Variants in EML5 observed in about 807,000 individuals in gnomAD.
EML5 encodes echinoderm microtubule-associated protein-like 5.
In EML5, 120 loss-of-function variants were observed where a neutral mutation model predicts 250.0. The observed-to-expected ratio is 0.48, with a 90% CI of 0.41 to 0.56. The LOEUF (loss-of-function observed/expected upper bound fraction) is 0.56. EML5 is among the 20% of genes least tolerant of loss of function. The pLI, the probability that EML5 is intolerant of heterozygous loss-of-function variation, is 0.00. For missense variants in EML5, 2,006 were observed against 2,437.6 expected (o/e 0.82, Z 3.73); for synonymous variants, 771 against 806.5 (o/e 0.96, Z 0.75).
At position 88,657,516 on chromosome 14, in the gene EML5, A is replaced by G. The variant is rs2091915692; in HGVS notation, c.3878-14T>C. 1 of 1,583,206 alleles carries G rather than the reference A, an allele frequency of 6.3e-7. No homozygotes were observed. The highest frequency in any genetic ancestry group is 1.7e-4 in the Middle Eastern group (1 of 5,940). On this transcript the variant is annotated splice_polypyrimidine_tract_variant and intron_variant, in intron 26 of 43. Coordinates refer to ENST00000554922, the MANE Select transcript of EML5 (RefSeq NM_183387.3). Reference sequence around the variant, plus strand: ...CACTGTCATAGCCTACAATAAAAATATACGAGTAATTCTTTAAGCAATAAC... The same window carrying G: ...CACTGTCATAGCCTACAATAAAAATGTACGAGTAATTCTTTAAGCAATAAC...
At chr14:88,707,673 T>A (rs1161747583) in intron 10 of EML5, among the ~76,000 whole-genome samples, 1 of 152,206 alleles carries the variant, frequency 6.6e-6, no homozygotes, top group Non-Finnish European at 1.5e-5. Flanking sequence ...ATGCATGAGA[T>A]AGAATCAAAA....
intron 1 of EML5, among the ~76,000 whole-genome samples, chr14:88,759,567 C>T (rs1271467876): frequency 6.6e-6 from 1 of 151,070 alleles, no homozygotes; most frequent in Non-Finnish European, 1.5e-5. Context: ...GCCCGTAGTC[C>T]CAGTTATTCA....
intron 1 of EML5, among the ~76,000 whole-genome samples, chr14:88,783,254 T>C (rs1047535402): frequency 6.6e-6 from 1 of 152,234 alleles, no homozygotes; most frequent in Non-Finnish European, 1.5e-5. Flanking sequence ...CCTACACAGC[T>C]TCACTAGGGC....
chr14:88,659,765 G>C (rs867861416), intron 25 of EML5, among the ~76,000 whole-genome samples: 26 of 152,284 alleles, frequency 1.7e-4, no homozygotes, highest in Non-Finnish European at 2.8e-4. Flanking sequence ...TCTAAAACAG[G>C]AATCAGTGGA....
At chr14:88,728,714 G>A (rs1436877368) in intron 7 of EML5, among the ~76,000 whole-genome samples, 1 of 152,066 alleles carries the variant, frequency 6.6e-6, no homozygotes, top group East Asian at 1.9e-4. Context: ...GTTCAAACCT[G>A]TGTTGTTCAA....
At chr14:88,659,338 G>A (rs976116869) in intron 25 of EML5, among the ~76,000 whole-genome samples, 1 of 151,886 alleles carries the variant, frequency 6.6e-6, no homozygotes, top group African/African-American at 2.4e-5. Context: ...AGCCTCCCAA[G>A]TAGCTGGGAA....
intron 14 of EML5, among the ~76,000 whole-genome samples, chr14:88,701,554 G>C (rs370446193): frequency 6.6e-6 from 1 of 152,082 alleles, no homozygotes; most frequent in East Asian, 1.9e-4. Context: ...AGGAGAGAAA[G>C]AGCAAGTAAG....
chr14:88,706,346 A>T lies in EML5; in HGVS notation c.1738T>A (p.Ser580Thr), dbSNP rs1245657271. 6.2e-7 allele frequency: 1 copy of T among 1,610,260 alleles called. No homozygotes were observed. The highest frequency in any genetic ancestry group is 8.5e-7 in the Non-Finnish European group (1 of 1,178,330). Reference protein sequence around the residue: ...RWSHDYQWVISIGGADHSVFQ... With the variant: ...RWSHDYQWVITIGGADHSVFQ... ...ACAGAGTGATCTGCTCCACCAATAG[A>T]AATAACCCACTGATAATCATGTGAC... Residue 580 changes from serine to threonine, a missense_variant, in exon 11 of 44, where the codon TCT (serine) becomes ACT (threonine). By Grantham distance (58) the Ser-to-Thr change is moderately conservative. Around this residue, in one of 7 missense-constraint regions of EML5, gnomAD observed 1,375 missense variants for 1,590.3 expected, o/e 0.86. Coordinates refer to ENST00000554922, the MANE Select transcript of EML5 (RefSeq NM_183387.3).
intron 19 of EML5, among the ~76,000 whole-genome samples, chr14:88,685,875 TC>T: frequency 6.6e-6 from 1 of 152,346 alleles, no homozygotes; most frequent in Middle Eastern, 3.4e-3. Context: ...TTTTTATTTT[TC>T]TCTAGCATAT....
Position 88,644,514 on chromosome 14 carries a change from G to A in EML5, c.4029-3C>T, listed in dbSNP as rs1193699780. 3 of 1,613,558 alleles carry A rather than the reference G, an allele frequency of 1.9e-6. No homozygotes were observed. Among genetic ancestry groups the A allele is most frequent in the Non-Finnish European group, 2.5e-6 (3 of 1,179,676 alleles). ...GTGGGGCCCTGCTCACTGGAGGCCT[G>A]CAACAGAGAAGTGGGGAGGAGGAAA... is the stretch of plus-strand genomic sequence containing the variant. On this transcript the variant is annotated splice_region_variant and splice_polypyrimidine_tract_variant and intron_variant, in intron 29 of 43. Transcript: ENST00000554922.
intron 21 of EML5, 84 bp downstream of exon 21, chr14:88,681,806 T>A (rs1051678587): frequency 2.2e-6 from 3 of 1,393,438 alleles, no homozygotes; most frequent in Non-Finnish European, 1.9e-6. Context: ...CTTTTTAAAA[T>A]GTGCCTAGTT....
Position 88,658,373 on chromosome 14 carries a change from A to G in EML5, c.3691T>C (p.Phe1231Leu). The G allele has an allele frequency of 1.3e-6, 2 of 1,598,876 alleles. No homozygotes were observed. Among genetic ancestry groups the G allele is most frequent in the African/African-American group, 2.7e-5 (2 of 74,816 alleles). ...RYPTKGKFGKFKRYVAHSTHV... is the reference protein window; with the variant it reads ...RYPTKGKFGKLKRYVAHSTHV... The stretch of plus-strand genomic sequence containing the variant: ...GTACTATGGGCCACATACCTCTTAA[A>G]CTTTCCAAATTTCCCCTAAAGAGGA... Residue 1231 changes from phenylalanine to leucine, a missense_variant, in exon 26 of 44, where the codon TTT becomes CTT. Around this residue, in one of 7 missense-constraint regions of EML5, gnomAD observed 1,375 missense variants for 1,590.3 expected, o/e 0.86. Transcript: ENST00000554922.
At position 88,699,921 on chromosome 14, in the gene EML5, T is replaced by G. The variant is rs912704158; in HGVS notation, c.2238+2525A>C. Among the ~76,000 whole-genome samples the G allele has an allele frequency of 1.1e-4, 16 of 152,162 alleles. 1 individual carries two copies. Among genetic ancestry groups the G allele is most frequent in the Admixed American group, 3.3e-4 (5 of 15,274 alleles). ...GAATCTGAGTTGCCCACAAGACATC[T>G]AAATCAGTGTATTTTTAGTGAATTA... On this transcript the variant is annotated intron_variant, in intron 14 of 43. Coordinates refer to ENST00000554922, the MANE Select transcript of EML5 (RefSeq NM_183387.3).
intron 29 of EML5, among the ~76,000 whole-genome samples, chr14:88,646,604 A>T (rs553188178): frequency 6.6e-6 from 1 of 152,302 alleles, no homozygotes; most frequent in Admixed American, 6.5e-5. Flanking sequence ...AATCCTATAT[A>T]ACAATTAACC....
chr14:88,698,545 A>G (rs1595565779), intron 14 of EML5, among the ~76,000 whole-genome samples: 1 of 152,126 alleles, frequency 6.6e-6, no homozygotes, highest in East Asian at 1.9e-4. Flanking sequence ...GATTACAGGC[A>G]TGAGCCACGG....
Position 88,663,049 on chromosome 14 carries a change from T to C in EML5, c.3480A>G (p.Gln1160=). Residue 1160 remains glutamine, a synonymous_variant, in exon 24 of 44, where the codon CAA becomes CAG. Transcript: ENST00000554922. ...LFFEAPRGKK[Q]TIPSVEVEKI... ...GTCCTACCTCCACGCTGGGGATGGTTTGTTTTTTCCCTCTGGGAGCTTCAA... is the reference window on the plus strand; with the variant it reads ...GTCCTACCTCCACGCTGGGGATGGTCTGTTTTTTCCCTCTGGGAGCTTCAA... The C allele has an allele frequency of 1.3e-6, 2 of 1,552,888 alleles. No homozygotes were observed. The highest frequency in any genetic ancestry group is 1.7e-6 in the Non-Finnish European group (2 of 1,147,452).
intron 8 of EML5, among the ~76,000 whole-genome samples, chr14:88,726,223 G>A (rs964498201): frequency 6.6e-6 from 1 of 152,098 alleles, no homozygotes; most frequent in African/African-American, 2.4e-5. Flanking sequence ...GATCATTACT[G>A]AAAATCTATA....
At chr14:88,747,857 G>A (rs2094030035) in intron 2 of EML5, among the ~76,000 whole-genome samples, 2 of 152,170 alleles carry the variant, frequency 1.3e-5, no homozygotes, top group African/African-American at 4.8e-5. Context: ...TAGCCATGAA[G>A]GAGTATCAAG....
chr14:88,687,079 G>C (rs1423915934), intron 19 of EML5, 137 bp downstream of exon 19: 6 of 642,794 alleles, frequency 9.3e-6, no homozygotes, highest in African/African-American at 1.9e-5. Context: ...ATCCAGTTAA[G>C]TGATTTCTTC....
Sources: gnomAD v4.1 joint callset for allele counts (sites outside exome capture counted in the v4.1 genomes callset) on GRCh38, gnomAD v4.1.1 for gene constraint, gnomAD v4.1.1 regional missense constraint, MANE v1.5 for transcripts, NCBI Gene and HGNC (gene_info 2026-07-23, HGNC 2026-07-21) for gene names.